Variants in GRID2IP observed in about 807,000 individuals in gnomAD.
GRID2IP encodes Grid2 interacting protein.
A neutral mutation model predicts 114.3 loss-of-function variants in GRID2IP; 78 were observed. That is an observed-to-expected ratio of 0.68 (90% confidence interval 0.57 to 0.82). GRID2IP has a LOEUF of 0.82. GRID2IP is among the 40% of genes least tolerant of loss of function. GRID2IP has a pLI of 0.00. For synonymous variants in GRID2IP, 809 were observed against 724.0 expected (o/e 1.12, Z -1.89); for missense variants, 1,727 against 1,678.5 (o/e 1.03, Z -0.51).
Position 6,502,841 on chromosome 7 carries a change from T to C in GRID2IP, c.3095A>G (p.Asp1032Gly), listed in dbSNP as rs1786455797. The change falls in exon 18 of 22, where the codon GAT becomes GGT. Residue 1032 changes from aspartate to glycine, a missense_variant. Transcript: ENST00000457091. Reference protein sequence around the residue: ...FVLAMGNYLNDGQPKTNKTTG... With the variant: ...FVLAMGNYLNGGQPKTNKTTG... Reference sequence around the variant, plus strand: ...AGTCTTGTTGGTTTTGGGCTGTCCATCGTTGAGATAGTTGCCCATGGCCAA... The same window carrying C: ...AGTCTTGTTGGTTTTGGGCTGTCCACCGTTGAGATAGTTGCCCATGGCCAA... 5 of 1,551,940 alleles carry C rather than the reference T, an allele frequency of 3.2e-6. No individual in the cohort carries two copies. Among genetic ancestry groups the C allele is most frequent in the African/African-American group, 2.7e-5 (2 of 73,040 alleles).
At chr7:6,539,365 G>A (rs1250184124) in intron 2 of GRID2IP, among the ~76,000 whole-genome samples, 1 of 151,998 alleles carries the variant, frequency 6.6e-6, no homozygotes, top group African/African-American at 2.4e-5. Context: ...GGCCTCAAGC[G>A]GTTCTCCCAC....
At chr7:6,502,758 G>C (rs1274626187) in intron 18 of GRID2IP, 28 bp downstream of exon 18, 2 of 1,510,304 alleles carry the variant, frequency 1.3e-6, no homozygotes, top group African/African-American at 2.8e-5. Flanking sequence ...GAGCAAACCA[G>C]TCGATTGCTG....
At chr7:6,541,038 G>T (rs1029553062) in intron 1 of GRID2IP, among the ~76,000 whole-genome samples, 5 of 151,704 alleles carry the variant, frequency 3.3e-5, no homozygotes, top group Non-Finnish European at 7.4e-5. Context: ...TACTTAAAGA[G>T]AACTGGCTAA....
chr7:6,527,755 G>A (rs1274404009), intron 2 of GRID2IP, among the ~76,000 whole-genome samples: 1 of 138,326 alleles, frequency 7.2e-6, no homozygotes, highest in Non-Finnish European at 1.6e-5. Flanking sequence ...CATGCCACCA[G>A]GCTAATTTTT....
At chr7:6,538,693 C>A (rs920152027) in intron 2 of GRID2IP, among the ~76,000 whole-genome samples, 4 of 152,188 alleles carry the variant, frequency 2.6e-5, no homozygotes, top group South Asian at 2.1e-4. Context: ...GCCTGGCCAA[C>A]ATGGTGACAC....
rs1786581186 is a variant in GRID2IP at position 6,506,188 on chromosome 7, G to C, written c.2545-281C>G. Among the ~76,000 whole-genome samples, 1 of 152,234 alleles carries C rather than the reference G, an allele frequency of 6.6e-6. No individual in the cohort carries two copies. The highest frequency in any genetic ancestry group is 2.1e-4 in the South Asian group (1 of 4,832). ...GGGACTGCAGCGGGGGCATGAAGGAGCTGTGAAGAGGCTAGAGCCAAGTAA... is the reference window on the plus strand; with the variant it reads ...GGGACTGCAGCGGGGGCATGAAGGACCTGTGAAGAGGCTAGAGCCAAGTAA... On this transcript the variant is annotated intron_variant, in intron 13 of 21. Coordinates refer to ENST00000457091, the MANE Select transcript of GRID2IP (RefSeq NM_001145118.2). The surrounding 1 kb of genome is among the most constrained non-coding windows in gnomAD (Gnocchi z 5.2).
At chr7:6,515,127 A>T (rs1037256206) in intron 7 of GRID2IP, among the ~76,000 whole-genome samples, 3 of 152,080 alleles carry the variant, frequency 2.0e-5, no homozygotes, top group Admixed American at 2.0e-4. Context: ...AAATGGGGAT[A>T]AAAATAGCAT....
At chr7:6,533,817 T>C (rs188659439) in intron 2 of GRID2IP, among the ~76,000 whole-genome samples, 5,776 of 151,578 alleles carry the variant, frequency 0.038, 159 homozygotes, top group African/African-American at 0.076. Context: ...AGCTAATTTT[T>C]TATATGTATT....
rs896621346 is a variant in GRID2IP at position 6,519,616 on chromosome 7, G to T, written c.1268+962C>A. Among the ~76,000 whole-genome samples the T allele has an allele frequency of 9.2e-5, 14 of 152,056 alleles. No homozygotes were observed. The highest frequency in any genetic ancestry group is 2.0e-4 in the Admixed American group (3 of 15,264). On this transcript the variant is annotated intron_variant, in intron 7 of 21. Coordinates refer to ENST00000457091, the MANE Select transcript of GRID2IP (RefSeq NM_001145118.2). This position sits in a 1 kb window ranked among gnomAD's most constrained non-coding sequence, Gnocchi z 4.1. ...CTACTAAAAGTACAAAATTAGCCAGGCGTGGTGGCATATGCCTGTAATCCC... is the reference window on the plus strand; with the variant it reads ...CTACTAAAAGTACAAAATTAGCCAGTCGTGGTGGCATATGCCTGTAATCCC...
rs2115362067 is a variant in GRID2IP, at chr7:6,508,303, G to A, written c.2226C>T (p.Tyr742=). The change falls in exon 13 of 22, where the codon TAC becomes TAT. Residue 742 remains tyrosine (Y), a synonymous_variant. Coordinates refer to ENST00000457091, the MANE Select transcript of GRID2IP (RefSeq NM_001145118.2). This position sits in a 1 kb window ranked among gnomAD's most constrained non-coding sequence, Gnocchi z 5.6. ...SSSEEGSSLT[Y]SSISDHIPPP... ...GGGGGATGTGGTCAGAGATGGAGGA[G>A]TAGGTCAGGGAGCTGCCTTCTTCAC... 4 of 1,550,236 alleles carry A rather than the reference G, an allele frequency of 2.6e-6. No homozygotes were observed. The highest frequency in any genetic ancestry group is 1.9e-4 in the Middle Eastern group (1 of 5,338).
chr7:6,535,045 C>T (rs972584293), intron 2 of GRID2IP, among the ~76,000 whole-genome samples: 1 of 152,250 alleles, frequency 6.6e-6, no homozygotes, highest in Non-Finnish European at 1.5e-5. Context: ...GCCACCACCC[C>T]CAGCTAATTT....
chr7:6,520,413 C>T lies in GRID2IP; in HGVS notation c.1268+165G>A, dbSNP rs1482909116. 1.3e-5 allele frequency among the ~76,000 whole-genome samples: 2 copies of T among 152,138 alleles called. No individual in the cohort carries two copies. The highest frequency in any genetic ancestry group is 2.9e-5 in the Non-Finnish European group (2 of 68,026). ...AGTCAGAGATTGTTCCAGGGCAGCTCAATTGCCCACCACCCTGGGGCCCCT... is the reference window on the plus strand; with the variant it reads ...AGTCAGAGATTGTTCCAGGGCAGCTTAATTGCCCACCACCCTGGGGCCCCT... On this transcript the variant is annotated intron_variant, in intron 7 of 21. Coordinates refer to ENST00000457091, the MANE Select transcript of GRID2IP (RefSeq NM_001145118.2). The surrounding 1 kb of genome is among the most constrained non-coding windows in gnomAD (Gnocchi z 4.6).
intron 15 of GRID2IP, among the ~76,000 whole-genome samples, chr7:6,504,357 G>A (rs1156315904): frequency 6.8e-6 from 1 of 147,388 alleles, no homozygotes; most frequent in Non-Finnish European, 1.5e-5. Context: ...GAATGGAGGG[G>A]ACAAGGAACA....
In GRID2IP at chr7:6,520,657, T is replaced by C; in HGVS notation, c.1189A>G (p.Ser397Gly). 1 of 1,551,686 alleles carries C rather than the reference T, an allele frequency of 6.4e-7. No homozygotes were observed. Among genetic ancestry groups the C allele is most frequent in the Non-Finnish European group, 8.7e-7 (1 of 1,146,976 alleles). ...GTGAGTAGGTGCTCCAGCTGCTGGC[T>C]GAAGGTCCTCCCTTGGACCCGGATG... is the stretch of plus-strand genomic sequence containing the variant. ...SSIRVQGRTFSQQLEHLLTPP... is the reference protein window; with the variant it reads ...SSIRVQGRTFGQQLEHLLTPP... Residue 397 changes from serine (S) to glycine (G), a missense_variant, in exon 7 of 22, where the codon AGC becomes GGC. Transcript: ENST00000457091. This position sits in a 1 kb window ranked among gnomAD's most constrained non-coding sequence, Gnocchi z 4.6.
Position 6,507,790 on chromosome 7 carries a change from G to C in GRID2IP, c.2544+195C>G, listed in dbSNP as rs1460311833. Among the ~76,000 whole-genome samples, 2 of 152,202 alleles carry C rather than the reference G, an allele frequency of 1.3e-5. No homozygotes were observed. The highest frequency in any genetic ancestry group is 3.9e-4 in the East Asian group (2 of 5,188). On this transcript the variant is annotated intron_variant, in intron 13 of 21. Coordinates refer to ENST00000457091, the MANE Select transcript of GRID2IP (RefSeq NM_001145118.2). The surrounding 1 kb of genome is among the most constrained non-coding windows in gnomAD (Gnocchi z 5.3). ...GTCCCCAGTGTGTGTCTTTGGCTGA[G>C]GGACACAGATTGGCTTCAATGCCTG...
rs557135593 is a variant in GRID2IP, at chr7:6,539,992, C to G, written c.430-120G>C. The G allele has an allele frequency of 6.2e-5, 48 of 779,678 alleles. No homozygotes were observed. In the East Asian group the frequency reaches 8.8e-4, roughly 14 times the overall value. The allele number at this position is 779,678 out of a possible 1,614,324, so 48.3% of individuals were successfully genotyped here. A position where few individuals can be genotyped will look rare whatever the true frequency, so the allele number is the denominator to read the frequency against. On this transcript the variant is annotated intron_variant, in intron 1 of 21. Transcript: ENST00000457091. ...CACGGGATGGCTGACGTGGGCGTACCACCTGAGTGCTATGCCCATATCATG... is the reference window on the plus strand; with the variant it reads ...CACGGGATGGCTGACGTGGGCGTACGACCTGAGTGCTATGCCCATATCATG...
intron 1 of GRID2IP, among the ~76,000 whole-genome samples, chr7:6,540,531 TA>T (rs2115097475): frequency 6.6e-6 from 1 of 151,796 alleles, no homozygotes; most frequent in African/African-American, 2.4e-5. Flanking sequence ...TTTATTTATT[TA>T]TTTTTTGTGA....
At position 6,509,328 on chromosome 7, in the gene GRID2IP, G is replaced by A. The variant is rs1308337581; in HGVS notation, c.1772-15C>T. On this transcript the variant is annotated splice_polypyrimidine_tract_variant and intron_variant, in intron 11 of 21. Transcript: ENST00000457091. The surrounding 1 kb of genome is among the most constrained non-coding windows in gnomAD (Gnocchi z 4.9). ...GGTCCTGGGCCCTGGAGGAGGGATG[G>A]AGTATGAGGATTCCTCTTCAGCCAG... is the stretch of plus-strand genomic sequence containing the variant. 1 of 1,477,646 alleles carries A rather than the reference G, an allele frequency of 6.8e-7. No homozygotes were observed. The highest frequency in any genetic ancestry group is 1.4e-5 in the African/African-American group (1 of 70,580). 91.5% of individuals were successfully genotyped at this position (1,477,646 alleles called of 1,614,324 possible).
chr7:6,532,937 A>G lies in GRID2IP; in HGVS notation c.585-6168T>C, dbSNP rs1226238561. Among the ~76,000 whole-genome samples the G allele has an allele frequency of 6.6e-6, 1 of 152,188 alleles. No homozygotes were observed. The highest frequency in any genetic ancestry group is 6.6e-5 in the Admixed American group (1 of 15,266). On this transcript the variant is annotated intron_variant, in intron 2 of 21. Coordinates refer to ENST00000457091, the MANE Select transcript of GRID2IP (RefSeq NM_001145118.2). The surrounding 1 kb of genome is among the most constrained non-coding windows in gnomAD (Gnocchi z 4.4). ...TGACCCAGGGCAGCATGAGGTGGTC[A>G]CCCAGTCACTAGGTGATCACCAGGG...
Sources: gnomAD v4.1 joint callset for allele counts (sites outside exome capture counted in the v4.1 genomes callset) on GRCh38, gnomAD v4.1.1 for gene constraint, Gnocchi (gnomAD v3.1) non-coding constraint, MANE v1.5 for transcripts, NCBI Gene and HGNC (gene_info 2026-07-23, HGNC 2026-07-21) for gene names.